Variants in ZC3H15 observed in about 807,000 individuals in gnomAD.
ZC3H15 encodes zinc finger CCCH-type containing 15.
Under a neutral mutation model 51.2 loss-of-function variants are expected in ZC3H15, and 15 were observed. The ratio of observed to expected loss-of-function variants is 0.29; its 90% confidence interval spans 0.20 to 0.45. The LOEUF is 0.45. ZC3H15 is among the 20% of genes least tolerant of loss of function. The pLI, the probability that ZC3H15 is intolerant of heterozygous loss-of-function variation, is 1.00. For missense variants in ZC3H15, 381 were observed against 494.7 expected (o/e 0.77, Z 2.18); for synonymous variants, 144 against 162.8 (o/e 0.88, Z 0.88).
intron 7 of ZC3H15, 60 bp downstream of exon 7, chr2:186,505,657 T>C: frequency 6.2e-7 from 1 of 1,603,056 alleles, no homozygotes; most frequent in Non-Finnish European, 8.5e-7. Context: ...TTCTGTGTCA[T>C]GCAAGATTTT....
chr2:186,497,217 T>C (rs996523592), intron 2 of ZC3H15: 1 of 397,758 alleles, frequency 2.5e-6, no homozygotes, highest in African/African-American at 2.2e-5. Context: ...GAATTTCTCA[T>C]GTGTTTACAG....
chr2:186,506,387 A>G (rs974148079), intron 8 of ZC3H15, among the ~76,000 whole-genome samples: 1 of 152,242 alleles, frequency 6.6e-6, no homozygotes, highest in Non-Finnish European at 1.5e-5. Flanking sequence ...TGGCAGAGGA[A>G]GAAGTTTCAT....
At chr2:186,494,893 C>G (rs1012422549) in intron 1 of ZC3H15, among the ~76,000 whole-genome samples, 1 of 151,910 alleles carries the variant, frequency 6.6e-6, no homozygotes, top group Non-Finnish European at 1.5e-5. Context: ...GTGCAGCACA[C>G]CAACATGGCA....
At position 186,506,700 on chromosome 2, in the gene ZC3H15, T is replaced by C. The variant is rs1390971467; in HGVS notation, c.967-13T>C. The C allele has an allele frequency of 6.3e-7, 1 of 1,595,560 alleles. No homozygotes were observed. Among genetic ancestry groups the C allele is most frequent in the Non-Finnish European group, 8.5e-7 (1 of 1,172,492 alleles). On this transcript the variant is annotated splice_polypyrimidine_tract_variant and intron_variant, in intron 8 of 9. Coordinates refer to ENST00000337859, the MANE Select transcript of ZC3H15 (RefSeq NM_018471.3). ...TTATTTGTAACAACTTTCTTTTCTA[T>C]ATGTTGTTAAAGGTTGATGATTCAG...
intron 4 of ZC3H15, among the ~76,000 whole-genome samples, chr2:186,502,014 G>A (rs1319905488): frequency 1.3e-5 from 2 of 151,752 alleles, no homozygotes; most frequent in Non-Finnish European, 2.9e-5. Context: ...CGGCCTTGGT[G>A]AATAATCTTA....
rs1177396258 is a variant in ZC3H15 at position 186,495,227 on chromosome 2, A to T, written c.76-6A>T. On this transcript the variant is annotated splice_polypyrimidine_tract_variant and splice_region_variant and intron_variant, in intron 1 of 9. Coordinates refer to ENST00000337859, the MANE Select transcript of ZC3H15 (RefSeq NM_018471.3). ...CTAAGATATTTCTGTGCTCTTTCTC[A>T]TGTAGGACAAAACTTTCGGTTTGAA... is the stretch of plus-strand genomic sequence containing the variant. The T allele has an allele frequency of 2.0e-6, 3 of 1,535,950 alleles. No individual in the cohort carries two copies. Among genetic ancestry groups the T allele is most frequent in the African/African-American group, 1.4e-5 (1 of 70,514 alleles).
chr2:186,500,579 G>GTT (rs1455441703), intron 3 of ZC3H15: 3 of 548,338 alleles, frequency 5.5e-6, no homozygotes, highest in Non-Finnish European at 1.0e-5. Context: ...TTGGTAGTAG[G>GTT]TAAGCAAAGC....
Position 186,495,226 on chromosome 2 carries a change from C to T in ZC3H15, c.76-7C>T, listed in dbSNP as rs1685263680. 4 of 1,530,678 alleles carry T rather than the reference C, an allele frequency of 2.6e-6. No individual in the cohort carries two copies. The highest frequency in any genetic ancestry group is 2.7e-5 in the South Asian group (2 of 74,854). 94.8% of individuals were successfully genotyped at this position (1,530,678 alleles called of 1,614,324 possible). On this transcript the variant is annotated splice_polypyrimidine_tract_variant and splice_region_variant and intron_variant, in intron 1 of 9. Coordinates refer to ENST00000337859, the MANE Select transcript of ZC3H15 (RefSeq NM_018471.3). Reference sequence around the variant, plus strand: ...GCTAAGATATTTCTGTGCTCTTTCTCATGTAGGACAAAACTTTCGGTTTGA... The same window carrying T: ...GCTAAGATATTTCTGTGCTCTTTCTTATGTAGGACAAAACTTTCGGTTTGA...
chr2:186,497,837 G>T (rs1253050872), intron 2 of ZC3H15, among the ~76,000 whole-genome samples: 4 of 152,106 alleles, frequency 2.6e-5, no homozygotes, highest in Admixed American at 6.5e-5. Flanking sequence ...ATACTTGCGT[G>T]GATAACTGGA....
chr2:186,506,210 C>T, intron 8 of ZC3H15: 1 of 335,948 alleles, frequency 3.0e-6, no homozygotes, highest in Non-Finnish European at 5.8e-6. Flanking sequence ...GGGACAAGTG[C>T]ACTAATTTAA....
chr2:186,504,216 T>A lies in ZC3H15; in HGVS notation c.717+2T>A. 30 of 1,038,454 alleles carry A rather than the reference T, an allele frequency of 2.9e-5. No individual in the cohort carries two copies. Among genetic ancestry groups the A allele is most frequent in the Middle Eastern group, 2.6e-4 (1 of 3,912 alleles). The allele number at this position is 1,038,454 out of a possible 1,614,324, so 64.3% of individuals were successfully genotyped here. ...TTAGAAGATCTAATTGAGAGAGAGGTAACTGGTATCCTTTTCCTACCATAA... is the reference window on the plus strand; with the variant it reads ...TTAGAAGATCTAATTGAGAGAGAGGAAACTGGTATCCTTTTCCTACCATAA... On this transcript the variant is annotated splice_donor_variant, in intron 6 of 9. Coordinates refer to ENST00000337859, the MANE Select transcript of ZC3H15 (RefSeq NM_018471.3). LOFTEE classifies it high-confidence loss of function.
chr2:186,497,062 C>T (rs2105588920), intron 2 of ZC3H15: 1 of 357,394 alleles, frequency 2.8e-6, no homozygotes, highest in African/African-American at 2.3e-5. Flanking sequence ...AATGTAGCCC[C>T]TTTTTTTTTC....
At chr2:186,504,542 C>T (rs985567174) in intron 6 of ZC3H15, among the ~76,000 whole-genome samples, 1 of 152,052 alleles carries the variant, frequency 6.6e-6, no homozygotes, top group Non-Finnish European at 1.5e-5. Context: ...AGATTTTTCG[C>T]CCTGATATCT....
At chr2:186,497,925 CAG>C (rs766188973) in intron 2 of ZC3H15, among the ~76,000 whole-genome samples, 8 of 152,144 alleles carry the variant, frequency 5.3e-5, no homozygotes, top group Non-Finnish European at 8.8e-5. Context: ...TAGAGCTGGA[CAG>C]GGGGTATCCT....
At chr2:186,503,379 ATTTAT>A (rs770530626) in intron 5 of ZC3H15, among the ~76,000 whole-genome samples, 17 of 152,114 alleles carry the variant, frequency 1.1e-4, no homozygotes, top group Middle Eastern at 3.4e-3. Context: ...CATTTATTCT[ATTTAT>A]TTTATTTTTG....
intron 2 of ZC3H15, among the ~76,000 whole-genome samples, chr2:186,498,252 G>T (rs190198163): frequency 6.6e-6 from 1 of 152,240 alleles, no homozygotes; most frequent in Admixed American, 6.5e-5. Flanking sequence ...GGGGTGGGAA[G>T]AGGAGAAAAA....
intron 2 of ZC3H15, among the ~76,000 whole-genome samples, chr2:186,496,712 C>CTATA (rs1255008145): frequency 6.6e-6 from 1 of 152,168 alleles, no homozygotes; most frequent in Non-Finnish European, 1.5e-5. Flanking sequence ...CACACCTAGG[C>CTATA]TATATGGTAT....
intron 5 of ZC3H15, among the ~76,000 whole-genome samples, chr2:186,503,699 C>T (rs1685423764): frequency 6.6e-6 from 1 of 152,068 alleles, no homozygotes; most frequent in African/African-American, 2.4e-5. Context: ...TTTTTTATAG[C>T]TAATTGTATA....
At chr2:186,495,398 T>G in intron 2 of ZC3H15, 64 bp downstream of exon 2, 1 of 961,622 alleles carries the variant, frequency 1.0e-6, no homozygotes, top group Non-Finnish European at 1.4e-6. Context: ...CTGTTTCAGA[T>G]AAAATGTCTG....
Sources: allele counts gnomAD v4.1 joint callset (sites outside exome capture counted in the v4.1 genomes callset), GRCh38; gene constraint gnomAD v4.1.1; transcripts MANE v1.5; gene names NCBI Gene and HGNC (gene_info 2026-07-23, HGNC 2026-07-21).